The following ARHGEF28 variants were observed in gnomAD, a reference collection of about 807,000 sequenced individuals.
ARHGEF28 encodes the protein Rho guanine nucleotide exchange factor 28.
Under a neutral mutation model 206.6 loss-of-function variants are expected in ARHGEF28, and 152 were observed. That is an observed-to-expected ratio of 0.74 (90% CI 0.64 to 0.84). The LOEUF (loss-of-function observed/expected upper bound fraction) is 0.84. Ranked by LOEUF, ARHGEF28 falls within the 40% of genes least tolerant of loss-of-function variation. The pLI, the probability that ARHGEF28 is intolerant of heterozygous loss-of-function variation, is 0.00. For missense variants in ARHGEF28, 2,028 were observed against 2,073.2 expected (o/e 0.98, Z 0.42); for synonymous variants, 763 against 776.4 (o/e 0.98, Z 0.29).
At chr5:73,721,147 C>T (rs1749913026) in intron 2 of ARHGEF28, among the ~76,000 whole-genome samples, 1 of 152,042 alleles carries the variant, frequency 6.6e-6, no homozygotes, top group African/African-American at 2.4e-5. Flanking sequence ...TCCCTTTGGC[C>T]TGGAAGAGCA....
At chr5:73,906,179 C>T (rs1313372292) in intron 33 of ARHGEF28, among the ~76,000 whole-genome samples, 1 of 152,142 alleles carries the variant, frequency 6.6e-6, no homozygotes, top group Non-Finnish European at 1.5e-5. Context: ...TATGACAGTG[C>T]TCATCTTATT....
intron 4 of ARHGEF28, among the ~76,000 whole-genome samples, chr5:73,768,079 G>A (rs1753005531): frequency 6.6e-6 from 1 of 152,212 alleles, no homozygotes; most frequent in Admixed American, 6.5e-5. Flanking sequence ...GTCAAGAATT[G>A]AGGTTTGGGA....
chr5:73,709,587 C>T (rs73762165), intron 2 of ARHGEF28, among the ~76,000 whole-genome samples: 2,333 of 152,224 alleles, frequency 0.015, 59 homozygotes, highest in African/African-American at 0.053. Context: ...GAGGAGGTAA[C>T]GGTTGGTCAG....
intron 1 of ARHGEF28, among the ~76,000 whole-genome samples, chr5:73,672,858 A>T (rs1310895449): frequency 6.6e-6 from 1 of 152,234 alleles, no homozygotes; most frequent in Non-Finnish European, 1.5e-5. Context: ...TTTTGTTAGC[A>T]GCTAGCTTGT....
At chr5:73,634,485 C>T (rs1743572605) in intron 1 of ARHGEF28, among the ~76,000 whole-genome samples, 1 of 152,216 alleles carries the variant, frequency 6.6e-6, no homozygotes, top group African/African-American at 2.4e-5. Context: ...TCATACACCA[C>T]ACTTTTAATA....
chr5:73,866,402 T>G (rs868212019), intron 18 of ARHGEF28, among the ~76,000 whole-genome samples: 1 of 152,232 alleles, frequency 6.6e-6, no homozygotes, highest in African/African-American at 2.4e-5. Context: ...AGTATAGCAA[T>G]ATTGCAGTAA....
intron 35 of ARHGEF28, among the ~76,000 whole-genome samples, chr5:73,924,726 A>G (rs556104596): frequency 6.6e-6 from 1 of 152,274 alleles, no homozygotes; most frequent in South Asian, 2.1e-4. Flanking sequence ...ATAATCAAAT[A>G]ATATTGAGAA....
rs1752211846 is a variant in ARHGEF28, at chr5:73,754,805, T to C, written c.475+1603T>C. On this transcript the variant is annotated intron_variant, in intron 4 of 35. Coordinates refer to ENST00000513042, the MANE Select transcript of ARHGEF28 (RefSeq NM_001177693.2). ...TCAAATTCTTGGGCTCATGTGATCC[T>C]ACTGCCTCAGATTCCCGGGTATCTA... 2.0e-5 allele frequency among the ~76,000 whole-genome samples: 3 copies of C among 152,080 alleles called. No homozygotes were observed. The South Asian group carries it at 6.2e-4, about 32-fold the overall frequency.
chr5:73,938,233 T>G (rs112095455), intron 35 of ARHGEF28, among the ~76,000 whole-genome samples: 1 of 150,014 alleles, frequency 6.7e-6, no homozygotes, highest in Non-Finnish European at 1.5e-5. Flanking sequence ...CATTCTTGGT[T>G]CTGTATCTTC....
At position 73,901,064 on chromosome 5, in the gene ARHGEF28, G is replaced by T. The variant is rs543236808; in HGVS notation, c.3974-120G>T. The T allele has an allele frequency of 2.7e-5, 20 of 731,444 alleles. No individual in the cohort carries two copies. The African/African-American group carries it at 3.2e-4, about 12-fold the overall frequency. 45.3% of individuals were successfully genotyped at this position (731,444 alleles called of 1,614,324 possible). A position where few individuals can be genotyped will look rare whatever the true frequency, so the allele number is the denominator to read the frequency against. ...CACCTCATCTAAGAATACTCAATAT[G>T]TATTATTTTGTGGTGTTTCCTATTT... is the stretch of plus-strand genomic sequence containing the variant. On this transcript the variant is annotated intron_variant, in intron 30 of 35. Coordinates refer to ENST00000513042, the MANE Select transcript of ARHGEF28 (RefSeq NM_001177693.2).
intron 3 of ARHGEF28, among the ~76,000 whole-genome samples, chr5:73,750,335 A>G (rs1751961348): frequency 6.6e-6 from 1 of 152,064 alleles, no homozygotes; most frequent in Admixed American, 6.5e-5. Context: ...ACTCATTGCC[A>G]GGGTTGGCTC....
intron 11 of ARHGEF28, among the ~76,000 whole-genome samples, 191 bp from the exon 12 acceptor site, chr5:73,846,077 C>A: frequency 6.8e-6 from 1 of 146,544 alleles, no homozygotes; most frequent in Non-Finnish European, 1.5e-5. Context: ...TTCGGGGTAA[C>A]ATAAAATTTT....
intron 35 of ARHGEF28, among the ~76,000 whole-genome samples, chr5:73,931,032 C>G (rs1764090283): frequency 6.6e-6 from 1 of 152,166 alleles, no homozygotes; most frequent in African/African-American, 2.4e-5. Context: ...AAGAAAAAGT[C>G]TGATTAAAGG....
intron 1 of ARHGEF28, among the ~76,000 whole-genome samples, chr5:73,678,317 T>G (rs1746827912): frequency 6.6e-6 from 1 of 152,108 alleles, no homozygotes; most frequent in African/African-American, 2.4e-5. Flanking sequence ...GAAAAGTGGT[T>G]GCTCTGAAAA....
chr5:73,872,848 AATGTTGACTTTTATATT>A, intron 21 of ARHGEF28, 134 bp from the exon 22 acceptor site: 1 of 945,160 alleles, frequency 1.1e-6, no homozygotes, highest in Non-Finnish European at 1.5e-6. Context: ...TGAAATGTTT[AATGTTGACTTTTATATT>A]GGAATATTCT....
intron 10 of ARHGEF28, among the ~76,000 whole-genome samples, chr5:73,835,965 T>C (rs1008812519): frequency 2.0e-5 from 3 of 152,204 alleles, no homozygotes; most frequent in Non-Finnish European, 4.4e-5. Context: ...GTGTTGATTG[T>C]TGAGTAAGAG....
At chr5:73,749,723 C>T (rs1311525232) in intron 2 of ARHGEF28, 114 bp from the exon 3 acceptor site, 8 of 1,150,294 alleles carry the variant, frequency 7.0e-6, no homozygotes, top group Admixed American at 2.4e-5. Context: ...TGAACTCAAC[C>T]ACATGAAGTG....
At chr5:73,799,898 A>C (rs1464344052) in intron 9 of ARHGEF28, among the ~76,000 whole-genome samples, 2 of 152,152 alleles carry the variant, frequency 1.3e-5, no homozygotes, top group African/African-American at 2.4e-5. Flanking sequence ...TCTAGGCATG[A>C]AGCGCTGCCT....
chr5:73,853,388 C>A (rs1052755811), intron 14 of ARHGEF28, among the ~76,000 whole-genome samples: 1 of 152,196 alleles, frequency 6.6e-6, no homozygotes, highest in African/African-American at 2.4e-5. Context: ...CTTTAAGAGA[C>A]CATCTGAAAA....
Sources: allele counts gnomAD v4.1 joint callset (sites outside exome capture counted in the v4.1 genomes callset), GRCh38; gene constraint gnomAD v4.1.1; transcripts MANE v1.5; gene names NCBI Gene and HGNC (gene_info 2026-07-23, HGNC 2026-07-21).